DRICH1: variants seen among roughly 807,000 people sequenced by gnomAD.
DRICH1 encodes the protein aspartate-rich protein 1.
A neutral mutation model predicts 39.5 loss-of-function variants in DRICH1; 38 were observed. The observed-to-expected ratio is 0.96, with a 90% CI of 0.74 to 1.26. DRICH1 has a LOEUF of 1.26. Among genes scored for constraint, DRICH1 ranks in the 50% most tolerant of loss-of-function variants. The probability of loss-of-function intolerance (pLI) is 0.00; values close to 1 mark genes in which losing one functional copy is unlikely to be tolerated. For missense variants in DRICH1, 279 were observed against 270.4 expected, an observed-to-expected ratio of 1.03 and a Z score of -0.22; for synonymous variants, 84 against 99.5, an observed-to-expected ratio of 0.84 and a Z score of 0.93.
rs1448065383 is a variant in DRICH1 at position 23,619,391 on chromosome 22, C to T, written c.409G>A (p.Gly137Ser). The T allele has an allele frequency of 2.6e-6, 2 of 780,514 alleles. No individual in the cohort carries two copies. The highest frequency in any genetic ancestry group is 1.7e-5 in the African/African-American group (1 of 59,122). The allele number at this position is 780,514 out of a possible 1,614,324, so 48.3% of individuals were successfully genotyped here. Reference sequence around the variant, plus strand: ...GAACTGCTATCAAACCGGTAACAGCCACCTGCGGAGAAATGGAAAAGTTAA... The same window carrying T: ...GAACTGCTATCAAACCGGTAACAGCTACCTGCGGAGAAATGGAAAAGTTAA... Reference protein sequence around the residue: ...AQILPSRVQGGCYRFDSSSCS... With the variant: ...AQILPSRVQGSCYRFDSSSCS... Residue 137 changes from glycine to serine, a missense_variant and splice_region_variant, in exon 6 of 12, where the codon GGC (glycine) becomes AGC (serine). Physicochemically the swap from Gly to Ser is moderately conservative, Grantham distance 56. Transcript: ENST00000317749.
the DRICH1 span, among the ~76,000 whole-genome samples, chr22:23,588,589 C>T: frequency 1.3e-5 from 2 of 152,182 alleles, no homozygotes; most frequent in Non-Finnish European, 1.5e-5. Context: ...TACTGTCTGC[C>T]CAGCAGGTGC....
At chr22:23,613,722 C>T in intron 9 of DRICH1, 62 bp from the exon 10 acceptor site, 1 of 1,234,620 alleles carries the variant, frequency 8.1e-7, no homozygotes, top group African/African-American at 1.5e-5. Flanking sequence ...TCACACAGAT[C>T]TGTTATTCTC....
At chr22:23,615,190 A>G (rs1035111020) in intron 8 of DRICH1, among the ~76,000 whole-genome samples, 1 of 152,178 alleles carries the variant, frequency 6.6e-6, no homozygotes, top group Non-Finnish European at 1.5e-5. Context: ...CCTGGCCAAC[A>G]TGGTAAAACC....
chr22:23,619,455 C>A (rs1927580394), intron 5 of DRICH1, 62 bp from the exon 6 acceptor site: 1 of 771,358 alleles, frequency 1.3e-6, no homozygotes, highest in Non-Finnish European at 2.4e-6. Flanking sequence ...CTCAAATAAC[C>A]ATGGTAATGT....
At chr22:23,599,244 G>T in the DRICH1 span, among the ~76,000 whole-genome samples, 1 of 152,194 alleles carries the variant, frequency 6.6e-6, no homozygotes, top group Non-Finnish European at 1.5e-5. Flanking sequence ...CAGGGCTCTG[G>T]GGCTTAGGAC....
chr22:23,617,147 C>T (rs1258422292), intron 7 of DRICH1, among the ~76,000 whole-genome samples: 1 of 152,204 alleles, frequency 6.6e-6, no homozygotes, highest in Admixed American at 6.5e-5. Context: ...CTCTGCATTA[C>T]AGTTGATGAT....
the DRICH1 span, chr22:23,583,840 G>C: frequency 2.6e-5 from 4 of 152,482 alleles, no homozygotes; most frequent in Admixed American, 2.0e-4. Flanking sequence ...TGCACTGGGG[G>C]TCTGGGCTGA....
chr22:23,592,519 G>A, the DRICH1 span, among the ~76,000 whole-genome samples: 2 of 152,166 alleles, frequency 1.3e-5, no homozygotes, highest in Admixed American at 6.5e-5. Context: ...TAACAGGCAA[G>A]AGAAAGTCAC....
intron 4 of DRICH1, among the ~76,000 whole-genome samples, chr22:23,621,887 AGT>A (rs1344264476): frequency 6.6e-6 from 1 of 152,164 alleles, no homozygotes; most frequent in African/African-American, 2.4e-5. Flanking sequence ...TGGTGAACTG[AGT>A]GAGACTCTGT....
chr22:23,583,907 C>CA, the DRICH1 span: 1 of 152,550 alleles, frequency 6.6e-6, no homozygotes, highest in African/African-American at 2.4e-5. Flanking sequence ...GCCTGGGACT[C>CA]AGAAACTGTG....
At chr22:23,622,526 G>T (rs1159524315) in intron 3 of DRICH1, among the ~76,000 whole-genome samples, 1 of 152,152 alleles carries the variant, frequency 6.6e-6, no homozygotes, top group Non-Finnish European at 1.5e-5. Flanking sequence ...ATTCAAGATC[G>T]TGTCAGTACA....
chr22:23,628,305 G>T (rs563475359), intron 1 of DRICH1, among the ~76,000 whole-genome samples: 2 of 152,300 alleles, frequency 1.3e-5, no homozygotes, highest in South Asian at 2.1e-4. Context: ...AGTGGCTCAC[G>T]CCTGTAATCC....
rs769588844 is a variant in DRICH1 at position 23,628,755 on chromosome 22, G to A, written c.209-2707C>T. 4.6e-5 allele frequency among the ~76,000 whole-genome samples: 7 copies of A among 152,164 alleles called. No homozygotes were observed. The South Asian group carries it at 8.3e-4, about 18-fold the overall frequency. On this transcript the variant is annotated intron_variant, in intron 1 of 11. Transcript: ENST00000317749. ...CCTGACCCTGAAGTCCATCCCTGCTGACTTGTGTCCTGTCTGCTCTGTGTC... is the reference window on the plus strand; with the variant it reads ...CCTGACCCTGAAGTCCATCCCTGCTAACTTGTGTCCTGTCTGCTCTGTGTC...
chr22:23,610,392 A>G (rs1334270394), intron 11 of DRICH1: 1 of 152,166 alleles, frequency 6.6e-6, no homozygotes, highest in Non-Finnish European at 1.5e-5. Flanking sequence ...CATACCAAGT[A>G]AGACCAGTGA....
chr22:23,608,324 G>A (rs1483825930), downstream of DRICH1: 1 of 176,320 alleles, frequency 5.7e-6, no homozygotes, highest in Non-Finnish European at 1.2e-5. Flanking sequence ...CCTGGAGGAG[G>A]ACTCTGACAG....
chr22:23,619,194 A>AAAAC, intron 6 of DRICH1, among the ~76,000 whole-genome samples, 170 bp downstream of exon 6: 1 of 151,794 alleles, frequency 6.6e-6, no homozygotes, highest in Non-Finnish European at 1.5e-5. Context: ...AAAAAAGAAA[A>AAAAC]AGAAATCACA....
At chr22:23,627,670 C>T (rs535805528) in intron 1 of DRICH1, among the ~76,000 whole-genome samples, 31 of 152,260 alleles carry the variant, frequency 2.0e-4, no homozygotes, top group Non-Finnish European at 4.1e-4. Flanking sequence ...AGGGGAAGAG[C>T]GTGGCCCTGC....
chr22:23,625,918 T>C, intron 2 of DRICH1, 63 bp downstream of exon 2: 1 of 1,337,036 alleles, frequency 7.5e-7, no homozygotes, highest in Non-Finnish European at 1.1e-6. Context: ...TTTAGATGGG[T>C]GAATTTGTTT....
At chr22:23,616,620 G>A (rs1927363620) in intron 8 of DRICH1, among the ~76,000 whole-genome samples, 1 of 152,224 alleles carries the variant, frequency 6.6e-6, no homozygotes, top group Admixed American at 6.5e-5. Flanking sequence ...TCAGTGAGAG[G>A]TGCACTCACT....
Sources: allele counts gnomAD v4.1 joint callset (sites outside exome capture counted in the v4.1 genomes callset), GRCh38; gene constraint gnomAD v4.1.1; transcripts MANE v1.5; gene names NCBI Gene and HGNC (gene_info 2026-07-23, HGNC 2026-07-21).